CADM2: variants seen among roughly 807,000 people sequenced by gnomAD.
CADM2 encodes the protein immunoglobulin superfamily member 4D.
A neutral mutation model predicts 49.8 loss-of-function variants in CADM2; 12 were observed. That is an observed-to-expected ratio of 0.24 (90% confidence interval 0.15 to 0.39). The LOEUF is 0.39. CADM2 is among the 10% of genes least tolerant of loss of function. CADM2 has a pLI of 1.00. For missense variants in CADM2, 378 were observed against 492.3 expected, an observed-to-expected ratio of 0.77 and a Z score of 2.20; for synonymous variants, 214 against 175.4, an observed-to-expected ratio of 1.22 and a Z score of -1.74.
chr3:85,701,891 A>AGATAGAT (rs990688500), intron 1 of CADM2, among the ~76,000 whole-genome samples: 8 of 151,708 alleles, frequency 5.3e-5, no homozygotes, highest in African/African-American at 1.9e-4. Context: ...ATAGATAGAT[A>AGATAGAT]GATAGATAGA....
chr3:85,856,831 G>T (rs1553698376), intron 3 of CADM2, among the ~76,000 whole-genome samples: 1 of 151,934 alleles, frequency 6.6e-6, no homozygotes, highest in African/African-American at 2.4e-5. Flanking sequence ...AAGAGTCACT[G>T]CTTAGGAAAT....
At chr3:85,040,101 C>T (rs1485170058) in intron 1 of CADM2, among the ~76,000 whole-genome samples, 1 of 152,024 alleles carries the variant, frequency 6.6e-6, no homozygotes, top group African/African-American at 2.4e-5. Context: ...TACTAATAAA[C>T]CTAAAAGGAA....
In CADM2 at chr3:86,066,965, A is replaced by G. The variant is rs1004342141; in HGVS notation, c.*182A>G. On this transcript the variant is annotated 3_prime_UTR_variant, in exon 10 of 10. Coordinates refer to ENST00000383699, the MANE Select transcript of CADM2 (RefSeq NM_001167675.2). ...GAAAGCATCATTCTTTAATTACTGT[A>G]CCATCCATAATGCAGGACATTTCTT... 2.7e-5 allele frequency: 16 copies of G among 592,132 alleles called. No individual in the cohort carries two copies. The highest frequency in any genetic ancestry group is 6.0e-5 in the Admixed American group (2 of 33,224). 36.7% of individuals were successfully genotyped at this position (592,132 alleles called of 1,614,324 possible). A position where few individuals can be genotyped will look rare whatever the true frequency, so the allele number is the denominator to read the frequency against.
intron 1 of CADM2, among the ~76,000 whole-genome samples, chr3:85,714,032 G>A (rs1000453960): frequency 6.6e-6 from 1 of 152,150 alleles, no homozygotes; most frequent in Non-Finnish European, 1.5e-5. Context: ...ATTCACTAGA[G>A]GCCAGAACCA....
chr3:85,036,296 TA>T (rs574897758), intron 1 of CADM2, among the ~76,000 whole-genome samples: 301 of 151,230 alleles, frequency 2.0e-3, no homozygotes, highest in African/African-American at 5.7e-3. Context: ...GACATACATG[TA>T]AAAAAAAATC....
chr3:85,115,942 A>G (rs937473202), intron 1 of CADM2, among the ~76,000 whole-genome samples: 1 of 152,238 alleles, frequency 6.6e-6, no homozygotes, highest in East Asian at 1.9e-4. Context: ...AAAGGATCCT[A>G]GTAACTGAAT....
intron 1 of CADM2, among the ~76,000 whole-genome samples, chr3:85,502,482 A>T (rs1040995022): frequency 6.0e-5 from 9 of 150,686 alleles, no homozygotes; most frequent in African/African-American, 2.0e-4. Context: ...ATATATTGTT[A>T]AAAAAAAAGA....
chr3:85,520,999 A>G (rs554859551), intron 1 of CADM2, among the ~76,000 whole-genome samples: 1 of 152,252 alleles, frequency 6.6e-6, no homozygotes, highest in Non-Finnish European at 1.5e-5. Flanking sequence ...TAACTTACCT[A>G]CAAAAATGAG....
At chr3:85,819,596 G>C (rs576373872) in intron 3 of CADM2, among the ~76,000 whole-genome samples, 3 of 152,258 alleles carry the variant, frequency 2.0e-5, no homozygotes, top group Non-Finnish European at 4.4e-5. Flanking sequence ...ATTTATGGTA[G>C]AGAAGGTGTC....
chr3:85,257,530 C>G (rs1449675271), intron 1 of CADM2, among the ~76,000 whole-genome samples: 1 of 152,008 alleles, frequency 6.6e-6, no homozygotes, highest in Admixed American at 6.6e-5. Flanking sequence ...CCCTCTTTTG[C>G]CTATTCTTCA....
intron 1 of CADM2, among the ~76,000 whole-genome samples, chr3:85,074,789 G>A (rs570889143): frequency 2.6e-5 from 4 of 151,940 alleles, no homozygotes; most frequent in East Asian, 1.9e-4. Context: ...CCTAATTTTT[G>A]TTCTCACGTA....
intron 8 of CADM2, chr3:85,992,295 TTAATA>T (rs1217540183): frequency 1.3e-5 from 2 of 152,110 alleles, no homozygotes; most frequent in Non-Finnish European, 2.9e-5. Flanking sequence ...CATGATCATC[TTAATA>T]TGTCAATAAT....
chr3:86,062,212 ACTGT>A (rs778619890), intron 8 of CADM2, among the ~76,000 whole-genome samples: 18 of 152,292 alleles, frequency 1.2e-4, no homozygotes, highest in South Asian at 2.1e-4. Flanking sequence ...ATGATTTATG[ACTGT>A]CTGTTTATGA....
At chr3:85,207,469 C>T (rs1310346648) in intron 1 of CADM2, among the ~76,000 whole-genome samples, 1 of 152,104 alleles carries the variant, frequency 6.6e-6, no homozygotes. Context: ...TCATATTCTT[C>T]TCATGTCTTT....
intron 1 of CADM2, among the ~76,000 whole-genome samples, chr3:85,604,450 G>A (rs1301857381): frequency 6.6e-6 from 1 of 151,820 alleles, no homozygotes; most frequent in East Asian, 1.9e-4. Context: ...CATACATCAC[G>A]ACATGCTGTA....
intron 3 of CADM2, among the ~76,000 whole-genome samples, chr3:85,809,402 C>A (rs1451407166): frequency 6.6e-6 from 1 of 151,812 alleles, no homozygotes; most frequent in South Asian, 2.1e-4. Context: ...ACAAGCCTGG[C>A]CAACATGGTG....
chr3:85,972,701 G>C (rs1461444972), intron 8 of CADM2, among the ~76,000 whole-genome samples: 1 of 151,680 alleles, frequency 6.6e-6, no homozygotes, highest in African/African-American at 2.4e-5. Context: ...CATTTGTAGA[G>C]AACAGAACAT....
intron 1 of CADM2, among the ~76,000 whole-genome samples, chr3:85,031,348 A>G (rs973813233): frequency 2.0e-5 from 3 of 152,202 alleles, no homozygotes; most frequent in African/African-American, 7.2e-5. Flanking sequence ...GTGGAGATGA[A>G]CAAGTGAAAT....
intron 1 of CADM2, among the ~76,000 whole-genome samples, chr3:85,170,049 A>G (rs1344876924): frequency 1.3e-5 from 2 of 152,160 alleles, no homozygotes; most frequent in East Asian, 3.9e-4. Flanking sequence ...AGAACCCTCA[A>G]TAGAAATATG....
Sources: gnomAD v4.1 joint callset for allele counts (sites outside exome capture counted in the v4.1 genomes callset) on GRCh38, gnomAD v4.1.1 for gene constraint, MANE v1.5 for transcripts, NCBI Gene and HGNC (gene_info 2026-07-23, HGNC 2026-07-21) for gene names.